Variants in MASP1 observed in about 807,000 individuals in gnomAD.
The protein encoded by MASP1 is mannan-binding lectin serine protease 1.
In MASP1, 59 loss-of-function variants were observed where a neutral mutation model predicts 77.1. That is an observed-to-expected ratio of 0.77 (90% confidence interval 0.62 to 0.95). The LOEUF is 0.95. MASP1 is among the 40% of genes least tolerant of loss of function. The pLI is 0.00. For synonymous variants in MASP1, 362 were observed against 354.5 expected, an observed-to-expected ratio of 1.02 and a Z score of -0.24; for missense variants, 885 against 912.9, an observed-to-expected ratio of 0.97 and a Z score of 0.39.
chr3:187,219,575 G>A (rs1711914925), exon 16 of MASP1: 1 of 174,160 alleles, frequency 5.7e-6, no homozygotes, highest in Non-Finnish European at 1.2e-5. Context: ...AGATGGTCAA[G>A]GTTGAGGGGA....
chr3:187,243,030 T>C (rs897565876), intron 9 of MASP1: 3 of 286,342 alleles, frequency 1.0e-5, no homozygotes, highest in African/African-American at 6.6e-5. Flanking sequence ...GGTGAGATGT[T>C]GCCCTCACCC....
chr3:187,274,971 G>T (rs1716844229), intron 2 of MASP1, among the ~76,000 whole-genome samples: 1 of 151,750 alleles, frequency 6.6e-6, no homozygotes, highest in Non-Finnish European at 1.5e-5. Context: ...CTTGGGGGGT[G>T]GGGTGGGAGG....
intron 8 of MASP1, chr3:187,244,326 G>C (rs1264083254): frequency 6.5e-6 from 1 of 154,364 alleles, no homozygotes; most frequent in Non-Finnish European, 1.4e-5. Context: ...GCTCCTCAGA[G>C]GTGGTCTTTG....
rs1713166615 is a variant in MASP1 at position 187,236,253 on chromosome 3, C to G, written c.1618G>C (p.Val540Leu). Residue 540 changes from valine to leucine, a missense_variant, in exon 11 of 11, where the codon GTG becomes CTG. Transcript: ENST00000296280. ...TGGATGTTGAAGTCTGGGTGGAGCACCACTCGGGCAGCTGAGCTGTTGACT... is the reference window on the plus strand; with the variant it reads ...TGGATGTTGAAGTCTGGGTGGAGCAGCACTCGGGCAGCTGAGCTGTTGACT... ...GAVNSSAARV[V>L]LHPDFNIQNY... The G allele has an allele frequency of 6.2e-7, 1 of 1,614,106 alleles. No homozygotes were observed. The highest frequency in any genetic ancestry group is 8.5e-7 in the Non-Finnish European group (1 of 1,180,050).
chr3:187,247,906 C>CT (rs1278835394), intron 8 of MASP1, among the ~76,000 whole-genome samples: 1 of 152,212 alleles, frequency 6.6e-6, no homozygotes, highest in Non-Finnish European at 1.5e-5. Context: ...TGGCACAGAG[C>CT]TGGGGCCACT....
intron 10 of MASP1, among the ~76,000 whole-genome samples, chr3:187,237,545 C>T (rs1713284950): frequency 1.3e-5 from 2 of 152,268 alleles, no homozygotes; most frequent in Non-Finnish European, 2.9e-5. Flanking sequence ...CCCATCATTG[C>T]ACCCAGGAGC....
intron 2 of MASP1, among the ~76,000 whole-genome samples, chr3:187,276,068 C>T (rs1716940886): frequency 6.6e-6 from 1 of 151,902 alleles, no homozygotes; most frequent in Non-Finnish European, 1.5e-5. Context: ...CACTTTCCAC[C>T]TGAGGGCACT....
chr3:187,269,142 T>A (rs1049198009), intron 2 of MASP1, among the ~76,000 whole-genome samples: 1 of 151,330 alleles, frequency 6.6e-6, no homozygotes, highest in Non-Finnish European at 1.5e-5. Flanking sequence ...ACTGTAAGAA[T>A]CATTTGTTAA....
At chr3:187,237,586 T>A (rs1393066832) in intron 10 of MASP1, among the ~76,000 whole-genome samples, 1 of 152,194 alleles carries the variant, frequency 6.6e-6, no homozygotes, top group Non-Finnish European at 1.5e-5. Flanking sequence ...AGGAGAAAGA[T>A]CTGAGCAAAC....
At chr3:187,260,161 A>G (rs1039101200) in intron 4 of MASP1, among the ~76,000 whole-genome samples, 1 of 152,194 alleles carries the variant, frequency 6.6e-6, no homozygotes, top group Non-Finnish European at 1.5e-5. Flanking sequence ...CTCCTCCTAG[A>G]AAGTGGCTAA....
chr3:187,269,794 T>C (rs564218998), intron 2 of MASP1, among the ~76,000 whole-genome samples: 7 of 152,314 alleles, frequency 4.6e-5, no homozygotes, highest in African/African-American at 1.7e-4. Context: ...CAAGGAGATA[T>C]TGAGCATGTG....
Position 187,247,127 on chromosome 3 carries a change from T to A in MASP1, c.1090+3124A>T, listed in dbSNP as rs901130261. Reference sequence around the variant, plus strand: ...ATTATTTTCTGGAATAGTGTTTGAATGATGGGCAAACCCTCAAGTGGAGAA... The same window carrying A: ...ATTATTTTCTGGAATAGTGTTTGAAAGATGGGCAAACCCTCAAGTGGAGAA... On this transcript the variant is annotated intron_variant, in intron 8 of 10. Transcript: ENST00000296280. The A allele has an allele frequency of 6.5e-5, 94 of 1,447,190 alleles. No individual in the cohort carries two copies. The Admixed American group carries it at 2.5e-3, about 39-fold the overall frequency. 89.6% of individuals were successfully genotyped at this position (1,447,190 alleles called of 1,614,324 possible).
At chr3:187,272,166 G>GGGAGAGAGACAGAAAAAGA (rs1716579358) in intron 2 of MASP1, among the ~76,000 whole-genome samples, 2 of 152,128 alleles carry the variant, frequency 1.3e-5, no homozygotes, top group Non-Finnish European at 2.9e-5. Context: ...GGACAGGAAA[G>GGGAGAGAGACAGAAAAAGA]GGAGAGAGAC....
At chr3:187,262,463 G>A (rs893620346) in intron 3 of MASP1, 80 bp downstream of exon 3, 114 of 1,391,564 alleles carry the variant, frequency 8.2e-5, no homozygotes, top group South Asian at 2.1e-4. Context: ...GATTTCCATC[G>A]TAAAGGAGAG....
chr3:187,280,218 G>T lies in MASP1; in HGVS notation c.237+5607C>A, dbSNP rs538795479. Among the ~76,000 whole-genome samples the T allele has an allele frequency of 7.2e-5, 11 of 152,338 alleles. No individual in the cohort carries two copies. In the East Asian group the frequency reaches 2.1e-3, roughly 29 times the overall value. On this transcript the variant is annotated intron_variant, in intron 2 of 10. Coordinates refer to ENST00000296280, the MANE Select transcript of MASP1 (RefSeq NM_139125.4). The stretch of plus-strand genomic sequence containing the variant: ...GACTAGTTGAGAGGAATAAGAATTG[G>T]AACTAAGGAATTAGCAGTGGAGAGG...
chr3:187,250,120 T>G (rs1579511974), intron 8 of MASP1, 131 bp downstream of exon 8: 1 of 790,894 alleles, frequency 1.3e-6, no homozygotes, highest in Non-Finnish European at 2.3e-6. Context: ...AACCCTTGTG[T>G]GTCTGTTAAA....
chr3:187,286,333 A>T (rs1370561323), intron 1 of MASP1, among the ~76,000 whole-genome samples: 6 of 152,186 alleles, frequency 3.9e-5, no homozygotes, highest in African/African-American at 1.4e-4. Context: ...TGACATTTCC[A>T]TTTTACTGTT....
chr3:187,260,250 T>C (rs562212293), intron 4 of MASP1, among the ~76,000 whole-genome samples: 1 of 152,276 alleles, frequency 6.6e-6, no homozygotes, highest in Admixed American at 6.5e-5. Context: ...AAAACAAAGA[T>C]AGATAGAAGG....
At chr3:187,267,272 CTTTG>C (rs1435649753) in intron 2 of MASP1, among the ~76,000 whole-genome samples, 3 of 152,330 alleles carry the variant, frequency 2.0e-5, no homozygotes, top group East Asian at 1.9e-4. Context: ...TGCCTCATGA[CTTTG>C]TTTGTCAATG....
Sources: allele counts gnomAD v4.1 joint callset (sites outside exome capture counted in the v4.1 genomes callset), GRCh38; gene constraint gnomAD v4.1.1; transcripts MANE v1.5; gene names NCBI Gene and HGNC (gene_info 2026-07-23, HGNC 2026-07-21).